The following SLCO4A1 variants were observed in gnomAD, a reference collection of about 807,000 sequenced individuals.
The protein encoded by SLCO4A1 is colon organic anion transporter.
Under a neutral mutation model 64.6 loss-of-function variants are expected in SLCO4A1, and 51 were observed. That is an observed-to-expected ratio of 0.79 (90% CI 0.63 to 1.00). The LOEUF (loss-of-function observed/expected upper bound fraction) is 1.00. Ranked by LOEUF, SLCO4A1 falls within the 50% of genes least tolerant of loss-of-function variation. SLCO4A1 has a pLI of 0.00. For missense variants in SLCO4A1, 919 were observed against 980.5 expected (o/e 0.94, Z 0.84); for synonymous variants, 471 against 444.9 (o/e 1.06, Z -0.74).
intron 1 of SLCO4A1, among the ~76,000 whole-genome samples, chr20:62,642,778 C>G (rs1479464056): frequency 6.6e-6 from 1 of 152,162 alleles, no homozygotes; most frequent in African/African-American, 2.4e-5. Flanking sequence ...CCGCCGGCTG[C>G]GCAGGTAGGA....
At chr20:62,665,255 CTG>C in intron 6 of SLCO4A1, 167 bp downstream of exon 6, 1 of 687,908 alleles carries the variant, frequency 1.5e-6, no homozygotes, top group Non-Finnish European at 2.4e-6. Flanking sequence ...CTGAGCGACT[CTG>C]TCCACAGGCC....
chr20:62,681,547 T>A (rs917844032), intron 2 of SLCO4A1, among the ~76,000 whole-genome samples: 6 of 151,532 alleles, frequency 4.0e-5, no homozygotes, highest in Non-Finnish European at 5.9e-5. Flanking sequence ...CGTGTGTGTA[T>A]TAAACCGTGT....
rs1988026361 is a variant in SLCO4A1 at position 62,685,400 on chromosome 20, G to A, written n.212-41G>A. The stretch of plus-strand genomic sequence containing the variant: ...TTCCACTCTGCTGTGGCCTGACCAA[G>A]CGGGCTGTTTTCTTGCTTTGTTTGT... On this transcript the variant is annotated intron_variant and non_coding_transcript_variant, in intron 2 of 2. Transcript: ENST00000466818. The surrounding 1 kb of genome is among the most constrained non-coding windows in gnomAD (Gnocchi z 4.6). 1.0e-6 allele frequency: 1 copy of A among 980,288 alleles called. No individual in the cohort carries two copies. Among genetic ancestry groups the A allele is most frequent in the African/African-American group, 1.7e-5 (1 of 57,256 alleles). 60.7% of individuals were successfully genotyped at this position (980,288 alleles called of 1,614,324 possible).
Position 62,665,046 on chromosome 20 carries a change from T to C in SLCO4A1, c.1234T>C (p.Ser412Pro). ...CACGTTCAGCCCCAAGTTCTTGGAG[T>C]CCCAGTTCAGCCTGAGTGCCTCAGA... ...MSTFSPKFLE[S>P]QFSLSASEAA... Residue 412 changes from serine to proline, a missense_variant, in exon 6 of 12, where the codon TCC becomes CCC. Physicochemically the swap from Ser to Pro is moderately conservative, Grantham distance 74. Transcript: ENST00000217159. The C allele has an allele frequency of 6.2e-7, 1 of 1,613,576 alleles. No individual in the cohort carries two copies. Among genetic ancestry groups the C allele is most frequent in the South Asian group, 1.1e-5 (1 of 91,016 alleles).
At position 62,658,342 on chromosome 20, in the gene SLCO4A1, G is replaced by A. The variant is rs781577303; in HGVS notation, c.797-335G>A. 1.2e-3 allele frequency among the ~76,000 whole-genome samples: 189 copies of A among 152,192 alleles called. 1 individual carries two copies. Among genetic ancestry groups the A allele is most frequent in the Admixed American group, 1.3e-3 (20 of 15,298 alleles). ...GGGCGGAGGGGCTCAGGCCTCTCTGGTCCCTTTCCCCACCCTGGGCCCCTA... is the reference window on the plus strand; with the variant it reads ...GGGCGGAGGGGCTCAGGCCTCTCTGATCCCTTTCCCCACCCTGGGCCCCTA... On this transcript the variant is annotated intron_variant, in intron 2 of 11. Coordinates refer to ENST00000217159, the MANE Select transcript of SLCO4A1 (RefSeq NM_016354.4).
chr20:62,683,454 A>T (rs1569157390), intron 2 of SLCO4A1, among the ~76,000 whole-genome samples: 1 of 152,058 alleles, frequency 6.6e-6, no homozygotes, highest in Non-Finnish European at 1.5e-5. Flanking sequence ...CTGCGGGAAT[A>T]GTTGATGTTG....
At position 62,668,520 on chromosome 20, in the gene SLCO4A1, T is replaced by C. The variant is rs1390239649; in HGVS notation, c.1855T>C (p.Trp619Arg). ...GAGATCCTTTGCCCTGGGAATCCAG[T>C]GGATTGTAGTTAGAATACTAGGTAC... ...PQRSFALGIQWIVVRILGGIP... is the reference protein window; with the variant it reads ...PQRSFALGIQRIVVRILGGIP... Residue 619 changes from tryptophan (W) to arginine (R), a missense_variant, in exon 10 of 12, where the codon TGG becomes CGG. By Grantham distance (101) the Trp-to-Arg change is moderately radical. Transcript: ENST00000217159. 1 of 1,613,596 alleles carries C rather than the reference T, an allele frequency of 6.2e-7. No homozygotes were observed. The highest frequency in any genetic ancestry group is 8.5e-7 in the Non-Finnish European group (1 of 1,179,818).
At position 62,644,459 on chromosome 20, in the gene SLCO4A1, G is replaced by A. The variant is rs1569112440; in HGVS notation, c.-97+1906G>A. ...ATGGTGGAGAGCTGGCTGGGCACGTGGCAGGCAGGGCAGGCTGGGCCAGGT... is the reference window on the plus strand; with the variant it reads ...ATGGTGGAGAGCTGGCTGGGCACGTAGCAGGCAGGGCAGGCTGGGCCAGGT... On this transcript the variant is annotated intron_variant, in intron 1 of 11. Coordinates refer to ENST00000217159, the MANE Select transcript of SLCO4A1 (RefSeq NM_016354.4). This position sits in a 1 kb window ranked among gnomAD's most constrained non-coding sequence, Gnocchi z 5.4. 6.6e-6 allele frequency among the ~76,000 whole-genome samples: 1 copy of A among 152,242 alleles called. No homozygotes were observed. The highest frequency in any genetic ancestry group is 1.5e-5 in the Non-Finnish European group (1 of 68,042).
chr20:62,667,677 C>A, intron 7 of SLCO4A1, 68 bp from the exon 8 acceptor site: 2 of 1,535,644 alleles, frequency 1.3e-6, no homozygotes, highest in Non-Finnish European at 1.8e-6. Flanking sequence ...CATGGCTGAC[C>A]CTGTGCCTGC....
intron 2 of SLCO4A1, among the ~76,000 whole-genome samples, chr20:62,682,811 TG>T (rs1295003249): frequency 1.3e-5 from 2 of 152,190 alleles, no homozygotes; most frequent in African/African-American, 4.8e-5. Flanking sequence ...TCCCCATCTG[TG>T]AATGGGGCCC....
intron 2 of SLCO4A1, among the ~76,000 whole-genome samples, chr20:62,677,648 C>T (rs1198158117): frequency 6.6e-6 from 1 of 152,258 alleles, no homozygotes; most frequent in African/African-American, 2.4e-5. Flanking sequence ...CAACAACGGC[C>T]ACAATATGTC....
chr20:62,674,036 C>G (rs1266831773), downstream of SLCO4A1, among the ~76,000 whole-genome samples: 1 of 152,240 alleles, frequency 6.6e-6, no homozygotes, highest in Admixed American at 6.5e-5. Flanking sequence ...CACTTGGCCA[C>G]TGGGCTGGGG....
At chr20:62,651,023 C>G (rs1217754417) in intron 1 of SLCO4A1, among the ~76,000 whole-genome samples, 1 of 152,190 alleles carries the variant, frequency 6.6e-6, no homozygotes, top group East Asian at 1.9e-4. Context: ...TGGAAACTTC[C>G]TTTGGGAAAT....
Position 62,656,975 on chromosome 20 carries a change from G to T in SLCO4A1, c.521G>T (p.Gly174Val). The T allele has an allele frequency of 6.4e-7, 1 of 1,566,216 alleles. No individual in the cohort carries two copies. The highest frequency in any genetic ancestry group is 8.7e-7 in the Non-Finnish European group (1 of 1,151,082). The change falls in exon 2 of 12, where the codon GGC becomes GTC. Residue 174 changes from glycine to valine, a missense_variant. Physicochemically the swap from Gly to Val is moderately radical, Grantham distance 109. Transcript: ENST00000217159. ...TCAGGGCACAAGCCGCGCTGGCTGG[G>T]CTGGGGCGTGCTGCTTATGGGCACG... ...GGSGHKPRWL[G>V]WGVLLMGTGS...
intron 11 of SLCO4A1, among the ~76,000 whole-genome samples, chr20:62,670,770 G>A (rs369765645): frequency 3.5e-4 from 54 of 152,360 alleles, no homozygotes; most frequent in Middle Eastern, 3.4e-3. Context: ...GGCCTCAGCA[G>A]CGCATGCGTC....
In SLCO4A1 at chr20:62,666,478, C is replaced by A. The variant is rs751980059; in HGVS notation, c.1375C>A (p.Leu459Met). Reference sequence around the variant, plus strand: ...GGGCTCCGCGGTCATCAAGTTCTGCCTGTTCTGCACCGTTGTCAGCCTGCT... The same window carrying A: ...GGGCTCCGCGGTCATCAAGTTCTGCATGTTCTGCACCGTTGTCAGCCTGCT... ...LRGSAVIKFC[L>M]FCTVVSLLGI... The change falls in exon 7 of 12, where the codon CTG (leucine) becomes ATG (methionine). Residue 459 changes from leucine to methionine, a missense_variant. By Grantham distance (15) the Leu-to-Met change is conservative (BLOSUM62 2). Coordinates refer to ENST00000217159, the MANE Select transcript of SLCO4A1 (RefSeq NM_016354.4). 4.3e-6 allele frequency: 7 copies of A among 1,613,590 alleles called. No individual in the cohort carries two copies. The highest frequency in any genetic ancestry group is 5.9e-6 in the Non-Finnish European group (7 of 1,180,004).
chr20:62,667,394 G>A lies in SLCO4A1; in HGVS notation c.1473-351G>A, dbSNP rs150278145. The A allele has an allele frequency of 4.4e-3, 1,083 of 244,720 alleles. 11 individuals are homozygous for A. The highest frequency in any genetic ancestry group is 0.022 in the African/African-American group (987 of 45,044). 15.2% of individuals were successfully genotyped at this position (244,720 alleles called of 1,614,324 possible). On this transcript the variant is annotated intron_variant, in intron 7 of 11. Coordinates refer to ENST00000217159, the MANE Select transcript of SLCO4A1 (RefSeq NM_016354.4). ...GACTGGGGTGGGGCTGGGGCCACGA[G>A]GCTGCCTTTGTGTACTTGGCGCTTT...
chr20:62,667,809 G>A lies in SLCO4A1; in HGVS notation c.1537G>A (p.Glu513Lys), dbSNP rs1438891165. ...PCNAACSCQP[E>K]HYSPVCGSDG... Reference sequence around the variant, plus strand: ...CAACGCTGCCTGCAGCTGCCAGCCAGAACACTACAGCCCTGTGTGCGGCTC... The same window carrying A: ...CAACGCTGCCTGCAGCTGCCAGCCAAAACACTACAGCCCTGTGTGCGGCTC... Residue 513 changes from glutamate to lysine, a missense_variant, in exon 8 of 12, where the codon GAA becomes AAA. Physicochemically the swap from Glu to Lys is moderately conservative, Grantham distance 56. Coordinates refer to ENST00000217159, the MANE Select transcript of SLCO4A1 (RefSeq NM_016354.4). 5 of 1,612,924 alleles carry A rather than the reference G, an allele frequency of 3.1e-6. No individual in the cohort carries two copies. Among genetic ancestry groups the A allele is most frequent in the Middle Eastern group, 1.8e-4 (1 of 5,590 alleles).
At chr20:62,642,671 G>A (rs568296587) in intron 1 of SLCO4A1, 118 bp downstream of exon 1, 95 of 166,434 alleles carry the variant, frequency 5.7e-4, no homozygotes, top group African/African-American at 2.1e-3. Flanking sequence ...GGATGCGCGC[G>A]GGGGCGGGAG....
Sources: gnomAD v4.1 joint callset for allele counts (sites outside exome capture counted in the v4.1 genomes callset) on GRCh38, gnomAD v4.1.1 for gene constraint, Gnocchi (gnomAD v3.1) non-coding constraint, MANE v1.5 for transcripts, NCBI Gene and HGNC (gene_info 2026-07-23, HGNC 2026-07-21) for gene names.